The following VPS53 variants were observed in gnomAD, a reference collection of about 807,000 sequenced individuals.
The protein encoded by VPS53 is vacuolar protein sorting-associated protein 53 homolog.
VPS53 carries 70 observed loss-of-function variants against 107.0 expected under a neutral mutation model. The ratio of observed to expected loss-of-function variants is 0.65; its 90% CI spans 0.54 to 0.80. The LOEUF is 0.80. Among genes scored for constraint, VPS53 ranks in the 30% least tolerant of loss-of-function variants. VPS53 has a pLI of 0.00. For missense variants in VPS53, 917 were observed against 1,049.4 expected (o/e 0.87, Z 1.74); for synonymous variants, 409 against 393.3 (o/e 1.04, Z -0.47).
chr17:609,808 G>A (rs551617693), intron 11 of VPS53, among the ~76,000 whole-genome samples: 2 of 151,962 alleles, frequency 1.3e-5, no homozygotes, highest in Non-Finnish European at 2.9e-5. Context: ...GAGAAGAGAG[G>A]AAAAAAACAA....
At chr17:603,260 C>A (rs1391770016) in intron 11 of VPS53, among the ~76,000 whole-genome samples, 1 of 152,110 alleles carries the variant, frequency 6.6e-6, no homozygotes, top group South Asian at 2.1e-4. Flanking sequence ...CCTGTCTCTA[C>A]TAAAAATACC....
intron 15 of VPS53, among the ~76,000 whole-genome samples, chr17:554,246 C>T (rs1311462670): frequency 6.6e-6 from 1 of 152,136 alleles, no homozygotes; most frequent in Non-Finnish European, 1.5e-5. Flanking sequence ...TGGTCCCTGC[C>T]ATCATCAGCC....
At chr17:632,699 A>T (rs1321859646) in intron 7 of VPS53, 1 of 456,062 alleles carries the variant, frequency 2.2e-6, no homozygotes, top group South Asian at 1.5e-5. Flanking sequence ...CCAGCGTTCT[A>T]CTCGCTATCT....
At chr17:605,985 T>C (rs909141230) in intron 11 of VPS53, among the ~76,000 whole-genome samples, 1 of 152,110 alleles carries the variant, frequency 6.6e-6, no homozygotes, top group Non-Finnish European at 1.5e-5. Context: ...TGGATTATAA[T>C]GACAGCAGGC....
At chr17:605,179 T>C (rs1172714864) in intron 11 of VPS53, among the ~76,000 whole-genome samples, 1 of 152,212 alleles carries the variant, frequency 6.6e-6, no homozygotes, top group Non-Finnish European at 1.5e-5. Context: ...GCATCCACTC[T>C]GCTCCAGGCA....
In VPS53 at chr17:628,162, T is replaced by G. The variant is rs1969797341; in HGVS notation, c.757A>C (p.Lys253Gln). 6 of 1,614,106 alleles carry G rather than the reference T, an allele frequency of 3.7e-6. No individual in the cohort carries two copies. Among genetic ancestry groups the G allele is most frequent in the Non-Finnish European group, 3.4e-6 (4 of 1,179,996 alleles). The change falls in exon 9 of 22, where the codon AAA becomes CAA. Residue 253 changes from lysine (K) to glutamine (Q), a missense_variant. Coordinates refer to ENST00000437048, the MANE Select transcript of VPS53 (RefSeq NM_001128159.3). ...ATAAACTTTTTGATGATTTCCTGTTTGATCCTGGGATCTAGAATATTAGCA... is the reference window on the plus strand; with the variant it reads ...ATAAACTTTTTGATGATTTCCTGTTGGATCCTGGGATCTAGAATATTAGCA... ...LVANILDPRI[K>Q]QEIIKKFIKQ...
At chr17:641,342 G>C (rs1041014783) in intron 7 of VPS53, among the ~76,000 whole-genome samples, 1 of 152,204 alleles carries the variant, frequency 6.6e-6, no homozygotes, top group Non-Finnish European at 1.5e-5. Context: ...CAACAGACTT[G>C]AAAGAATTTA....
rs381552 is a variant in VPS53, at chr17:578,174, T to C, written c.1313+8096A>G. On this transcript the variant is annotated intron_variant, in intron 13 of 21. Transcript: ENST00000437048. ...AGAAATTCCCTCAGAACCTAATGCG[T>C]TCCCAAAGAATCTCCCTCAGAATCT... 9.7e-3 allele frequency among the ~76,000 whole-genome samples: 1,471 copies of C among 152,118 alleles called. 31 individuals are homozygous for C. Among genetic ancestry groups the C allele is most frequent in the African/African-American group, 0.034 (1,408 of 41,462 alleles).
intron 13 of VPS53, among the ~76,000 whole-genome samples, chr17:575,762 C>T (rs754096266): frequency 2.0e-5 from 3 of 147,534 alleles, no homozygotes; most frequent in East Asian, 4.2e-4. Context: ...GGACCTAGTG[C>T]GTCCCAGAGA....
At chr17:699,440 C>A in intron 2 of VPS53, 60 bp from the exon 3 acceptor site, 1 of 1,409,092 alleles carries the variant, frequency 7.1e-7, no homozygotes, top group Non-Finnish European at 9.5e-7. Flanking sequence ...TCCTCTTTCA[C>A]AGGAAAATGA....
At chr17:693,486 C>T (rs918735588) in intron 4 of VPS53, among the ~76,000 whole-genome samples, 2 of 152,068 alleles carry the variant, frequency 1.3e-5, no homozygotes, top group African/African-American at 4.8e-5. Flanking sequence ...TTTTGGGAGC[C>T]CAAGGCAGGA....
intron 13 of VPS53, among the ~76,000 whole-genome samples, chr17:576,269 C>T (rs1914601807): frequency 6.6e-6 from 1 of 151,582 alleles, no homozygotes; most frequent in Admixed American, 6.6e-5. Flanking sequence ...TAACCTAATG[C>T]GTTCTCAGAT....
chr17:577,654 T>C (rs762121843), intron 13 of VPS53, among the ~76,000 whole-genome samples: 3 of 151,666 alleles, frequency 2.0e-5, no homozygotes, highest in East Asian at 2.0e-4. Context: ...CACAAAGTAA[T>C]GCATTTCGAG....
chr17:642,610 C>G (rs1322157664), intron 7 of VPS53, among the ~76,000 whole-genome samples: 1 of 143,668 alleles, frequency 7.0e-6, no homozygotes, highest in Admixed American at 7.1e-5. Context: ...TACTTGGCAA[C>G]TGGGGACAAC....
chr17:576,169 T>C (rs1914592048), intron 13 of VPS53, among the ~76,000 whole-genome samples: 1 of 151,412 alleles, frequency 6.6e-6, no homozygotes, highest in Non-Finnish European at 1.5e-5. Context: ...CCTCAGAACC[T>C]AATGTGTTCA....
chr17:522,538 C>G (rs1368559689), intron 19 of VPS53, among the ~76,000 whole-genome samples: 3 of 152,200 alleles, frequency 2.0e-5, no homozygotes, highest in African/African-American at 4.8e-5. Flanking sequence ...GGAATGGACC[C>G]ATTTACACCT....
At chr17:588,196 T>C (rs1376537270) in intron 12 of VPS53, among the ~76,000 whole-genome samples, 1 of 152,154 alleles carries the variant, frequency 6.6e-6, no homozygotes, top group Non-Finnish European at 1.5e-5. Flanking sequence ...TGTGCGCCTG[T>C]AGTCCCAGCT....
intron 4 of VPS53, among the ~76,000 whole-genome samples, chr17:679,284 G>A (rs1972296277): frequency 6.6e-6 from 1 of 151,964 alleles, no homozygotes; most frequent in Admixed American, 6.6e-5. Flanking sequence ...GGGAGGCCGA[G>A]GCGCGCAGAT....
chr17:606,995 TA>T (rs1377455042), intron 11 of VPS53, among the ~76,000 whole-genome samples: 2 of 151,666 alleles, frequency 1.3e-5, no homozygotes, highest in African/African-American at 4.8e-5. Flanking sequence ...GTGATGAAAC[TA>T]ATGATGCATT....
Sources: gnomAD v4.1 joint callset for allele counts (sites outside exome capture counted in the v4.1 genomes callset) on GRCh38, gnomAD v4.1.1 for gene constraint, MANE v1.5 for transcripts, NCBI Gene and HGNC (gene_info 2026-07-23, HGNC 2026-07-21) for gene names.